The following SIM1 variants were observed in gnomAD, a reference collection of about 807,000 sequenced individuals.
SIM1 encodes single-minded homolog 1.
In SIM1, 18 loss-of-function variants were observed where a neutral mutation model predicts 78.2. The ratio of observed to expected loss-of-function variants is 0.23; its 90% CI spans 0.16 to 0.34. The LOEUF (loss-of-function observed/expected upper bound fraction) is 0.34. Among genes scored for constraint, SIM1 ranks in the 10% least tolerant of loss-of-function variants. The pLI, the probability that SIM1 is intolerant of heterozygous loss-of-function variation, is 1.00. For missense variants in SIM1, 939 were observed against 975.1 expected (o/e 0.96, Z 0.49); for synonymous variants, 417 against 385.2 (o/e 1.08, Z -0.97).
intron 10 of SIM1, among the ~76,000 whole-genome samples, chr6:100,413,465 T>G (rs1445874992): frequency 6.6e-6 from 1 of 152,202 alleles, no homozygotes; most frequent in Non-Finnish European, 1.5e-5. Context: ...TTTATGCCAC[T>G]TTTTCTCATT....
rs149603936 is a variant in SIM1 at position 100,403,917 on chromosome 6, A to G, written c.1168-10028T>C. Among the ~76,000 whole-genome samples, 47 of 152,358 alleles carry G rather than the reference A, an allele frequency of 3.1e-4. No individual in the cohort carries two copies. In the East Asian group the frequency reaches 9.1e-3, roughly 29 times the overall value. ...AAAAAATGTTTTTGCCCAAAGTTGCATGATTATGAAGTTTAAGAGGGGACA... is the reference window on the plus strand; with the variant it reads ...AAAAAATGTTTTTGCCCAAAGTTGCGTGATTATGAAGTTTAAGAGGGGACA... On this transcript the variant is annotated intron_variant, in intron 10 of 11. Coordinates refer to ENST00000369208, the MANE Select transcript of SIM1 (RefSeq NM_005068.3).
chr6:100,396,666 C>T (rs1408782846), intron 10 of SIM1, among the ~76,000 whole-genome samples: 1 of 152,154 alleles, frequency 6.6e-6, no homozygotes, highest in African/African-American at 2.4e-5. Flanking sequence ...CCTTTGTTTT[C>T]AAGACCTATA....
chr6:100,409,636 A>G (rs890855775), intron 10 of SIM1, among the ~76,000 whole-genome samples: 1 of 152,098 alleles, frequency 6.6e-6, no homozygotes, highest in African/African-American at 2.4e-5. Context: ...GTTAAGTTAT[A>G]TGAAATCTTT....
intron 9 of SIM1, among the ~76,000 whole-genome samples, chr6:100,426,542 T>C (rs1356139730): frequency 6.6e-6 from 1 of 152,186 alleles, no homozygotes; most frequent in Non-Finnish European, 1.5e-5. Context: ...AAAGGCATTG[T>C]CAGTTCTAGA....
Position 100,393,885 on chromosome 6 carries a change from G to A in SIM1, c.1172C>T (p.Ser391Leu). The change falls in exon 11 of 12, where the codon TCG becomes TTG. Residue 391 changes from serine (S) to leucine (L), a missense_variant. Ser to Leu is a moderately radical substitution (Grantham distance 145). Transcript: ENST00000369208. ...TTCCGATCTTTCTGTGTGAAATCCCGAATACTGAAACCGAGTAGGGGAGAA... is the reference window on the plus strand; with the variant it reads ...TTCCGATCTTTCTGTGTGAAATCCCAAATACTGAAACCGAGTAGGGGAGAA... ...KSRTSPYPQYSGFHTERSESD... is the reference protein window; with the variant it reads ...KSRTSPYPQYLGFHTERSESD... The A allele has an allele frequency of 2.6e-6, 4 of 1,547,552 alleles. No individual in the cohort carries two copies. The highest frequency in any genetic ancestry group is 2.5e-5 in the South Asian group (2 of 81,500).
intron 10 of SIM1, among the ~76,000 whole-genome samples, chr6:100,412,679 AAGAAAAAGAAAGAAAGAAAGAAAGAAAG>A (rs1771258729): frequency 8.4e-6 from 1 of 119,498 alleles, no homozygotes; most frequent in Admixed American, 9.4e-5. Flanking sequence ...GAGAGAAAGA[AAGAAAAAGAAAGAAAGAAAGAAAGAAAG>A]AAAGAAAGAA....
rs3734355 is a variant in SIM1, at chr6:100,420,845, G to A, written c.1112C>T (p.Ala371Val). Residue 371 changes from alanine (A) to valine (V), a missense_variant, in exon 10 of 12, where the codon GCC (alanine) becomes GTC (valine). Ala to Val is a moderately conservative substitution (Grantham distance 64, BLOSUM62 0). This residue lies in a region of SIM1 where 556 missense variants were observed against 521.9 expected (regional missense o/e 1.07). Transcript: ENST00000369208. ...TPTMTDNRKGAKSRLSSSKSK... is the reference protein window; with the variant it reads ...TPTMTDNRKGVKSRLSSSKSK... ...CTTTGAGCTGGAGAGCCGGGATTTG[G>A]CCCCCTTTCTGTTGTCAGTCATGGT... 241,474 of 1,613,556 alleles carry A rather than the reference G, an allele frequency of 0.15. 21,646 individuals carry two copies. The highest frequency in any genetic ancestry group is 0.46 in the East Asian group (20,644 of 44,838).
At chr6:100,450,665 G>GTCTCTCTC (rs374252955) in intron 3 of SIM1, among the ~76,000 whole-genome samples, 1,895 of 117,106 alleles carry the variant, frequency 0.016, 23 homozygotes, top group Admixed American at 0.031. Flanking sequence ...CACACACACT[G>GTCTCTCTC]TCTCTCTCTC....
chr6:100,459,122 A>T (rs1772770228), intron 2 of SIM1, among the ~76,000 whole-genome samples: 1 of 152,224 alleles, frequency 6.6e-6, no homozygotes, highest in Non-Finnish European at 1.5e-5. Context: ...CCTAGAAATT[A>T]GATTTGTTCT....
At chr6:100,423,970 T>C (rs1049491596) in intron 9 of SIM1, among the ~76,000 whole-genome samples, 1 of 152,096 alleles carries the variant, frequency 6.6e-6, no homozygotes, top group African/African-American at 2.4e-5. Flanking sequence ...GGTAAACCCA[T>C]TCCTAATGCT....
intron 10 of SIM1, among the ~76,000 whole-genome samples, chr6:100,402,066 G>A (rs967694756): frequency 3.3e-5 from 5 of 152,064 alleles, no homozygotes; most frequent in African/African-American, 1.2e-4. Context: ...TTATAGGATT[G>A]CAGTAAGAAT....
chr6:100,425,855 T>C (rs1771712464), intron 9 of SIM1, among the ~76,000 whole-genome samples: 1 of 152,142 alleles, frequency 6.6e-6, no homozygotes, highest in African/African-American at 2.4e-5. Context: ...TGGAACAAAA[T>C]AAAATACTCA....
chr6:100,459,412 CTG>C (rs971333723), intron 2 of SIM1, among the ~76,000 whole-genome samples: 19 of 152,164 alleles, frequency 1.2e-4, no homozygotes, highest in African/African-American at 4.1e-4. Context: ...GGAGGGTAAA[CTG>C]TGCTTAAAGG....
intron 10 of SIM1, among the ~76,000 whole-genome samples, chr6:100,420,443 G>A (rs560685562): frequency 6.6e-6 from 1 of 151,588 alleles, no homozygotes; most frequent in African/African-American, 2.4e-5. Context: ...TTTCTACATC[G>A]AGCTCTTGTT....
chr6:100,392,339 T>C (rs971280200), intron 11 of SIM1, among the ~76,000 whole-genome samples: 1 of 152,086 alleles, frequency 6.6e-6, no homozygotes, highest in Non-Finnish European at 1.5e-5. Context: ...GAGAAACAAG[T>C]AGGAATATAT....
chr6:100,400,568 T>A (rs1166431051), intron 10 of SIM1, among the ~76,000 whole-genome samples: 1 of 152,102 alleles, frequency 6.6e-6, no homozygotes, highest in East Asian at 1.9e-4. Context: ...TCCAGACCTA[T>A]GAGATACACA....
chr6:100,441,344 G>A (rs1279211161), intron 9 of SIM1, among the ~76,000 whole-genome samples: 2 of 152,070 alleles, frequency 1.3e-5, no homozygotes, highest in African/African-American at 4.8e-5. Context: ...AACCCCCAGG[G>A]GGCCTCCCCT....
chr6:100,454,390 G>T (rs1005010810), intron 2 of SIM1, among the ~76,000 whole-genome samples: 2 of 152,122 alleles, frequency 1.3e-5, no homozygotes, highest in Non-Finnish European at 1.5e-5. Flanking sequence ...ATCGCCTTCG[G>T]AAAAATTAGT....
chr6:100,418,688 T>C (rs1771478068), intron 10 of SIM1, among the ~76,000 whole-genome samples: 1 of 152,182 alleles, frequency 6.6e-6, no homozygotes, highest in Non-Finnish European at 1.5e-5. Flanking sequence ...ACAAACTCCT[T>C]CTACTTAGTA....
Sources: gnomAD v4.1 joint callset for allele counts (sites outside exome capture counted in the v4.1 genomes callset) on GRCh38, gnomAD v4.1.1 for gene constraint, gnomAD v4.1.1 regional missense constraint, MANE v1.5 for transcripts, NCBI Gene and HGNC (gene_info 2026-07-23, HGNC 2026-07-21) for gene names.